Variants in ELN observed in about 807,000 individuals in gnomAD.
ELN encodes the protein elastin.
Under a neutral mutation model 105.8 loss-of-function variants are expected in ELN, and 65 were observed. The ratio of observed to expected loss-of-function variants is 0.61; its 90% CI spans 0.50 to 0.75. ELN has a LOEUF of 0.75. Among genes scored for constraint, ELN ranks in the 30% least tolerant of loss-of-function variants. ELN has a pLI of 0.00. For missense variants in ELN, 882 were observed against 969.4 expected (o/e 0.91, Z 1.20); for synonymous variants, 368 against 389.2 (o/e 0.95, Z 0.64).
At chr7:74,035,737 G>C (rs1481569263) in intron 2 of ELN, 2 of 414,352 alleles carry the variant, frequency 4.8e-6, no homozygotes, top group Admixed American at 3.7e-5. Context: ...TTTAAAATTA[G>C]CCATGTTCTG....
rs1407325654 is a variant in ELN, at chr7:74,063,481, T to C, written c.1918+112T>C. ...CAGAGTCCCTGCCCCAGACACCTCC[T>C]GGCTCCACTGTGCCATCGAAGGCCA... On this transcript the variant is annotated intron_variant, in intron 28 of 32. Transcript: ENST00000252034. This position sits in a 1 kb window ranked among gnomAD's most constrained non-coding sequence, Gnocchi z 4.1. 3.7e-6 allele frequency: 6 copies of C among 1,602,550 alleles called. No individual in the cohort carries two copies. In the Admixed American group the frequency reaches 5.1e-5, roughly 14 times the overall value.
chr7:74,051,278 T>A (rs1793965519), intron 15 of ELN, among the ~76,000 whole-genome samples: 1 of 152,076 alleles, frequency 6.6e-6, no homozygotes, highest in Non-Finnish European at 1.5e-5. Flanking sequence ...CAGGCCCCCC[T>A]CCCAGCACCC....
chr7:74,051,338 G>C (rs1225277497), intron 15 of ELN, among the ~76,000 whole-genome samples: 1 of 152,198 alleles, frequency 6.6e-6, no homozygotes, highest in Admixed American at 6.5e-5. Context: ...ATGTGGGAGC[G>C]GGAGAGCAGG....
Position 74,052,886 on chromosome 7 carries a change from A to G in ELN, c.950-277A>G, listed in dbSNP as rs181975443. Reference sequence around the variant, plus strand: ...GAAAGAAAGAAAGAGAGAGAGAGAGAGAGAAAGAAAGAAAGAAAGAGAAAG... The same window carrying G: ...GAAAGAAAGAAAGAGAGAGAGAGAGGGAGAAAGAAAGAAAGAAAGAGAAAG... On this transcript the variant is annotated intron_variant, in intron 17 of 32. Transcript: ENST00000252034. The G allele has an allele frequency of 5.2e-4, 262 of 506,534 alleles. 1 individual carries two copies. The East Asian group carries it at 7.9e-3, about 15-fold the overall frequency. 31.4% of individuals were successfully genotyped at this position (506,534 alleles called of 1,614,324 possible).
chr7:74,067,263 A>G (rs1554689801), intron 32 of ELN, among the ~76,000 whole-genome samples: 1 of 147,564 alleles, frequency 6.8e-6, no homozygotes, highest in Admixed American at 6.6e-5. Flanking sequence ...TACTAAAAAT[A>G]CTATAGTCTT....
Position 74,045,212 on chromosome 7 carries a change from C to G in ELN, c.470-10C>G, listed in dbSNP as rs200663056. 989 of 1,613,912 alleles carry G rather than the reference C, an allele frequency of 6.1e-4. No homozygotes were observed. Among genetic ancestry groups the G allele is most frequent in the Admixed American group, 9.5e-4 (57 of 60,030 alleles). On this transcript the variant is annotated splice_polypyrimidine_tract_variant and intron_variant, in intron 9 of 32. Coordinates refer to ENST00000252034, the MANE Select transcript of ELN (RefSeq NM_000501.4). ...TGCCTTCCTACACTCACTGCTTTGT[C>G]CCCCGGCAGGAGCTCGGTTCCCCGG...
chr7:74,037,950 C>A, intron 4 of ELN: 1 of 638,588 alleles, frequency 1.6e-6, no homozygotes, highest in Non-Finnish European at 2.7e-6. Context: ...AGGCTGGAAG[C>A]AGCTCCATGT....
At position 74,036,602 on chromosome 7, in the gene ELN, A is replaced by G. The variant is rs782019721; in HGVS notation, c.163+18A>G. 3 of 1,613,936 alleles carry G rather than the reference A, an allele frequency of 1.9e-6. No individual in the cohort carries two copies. Among genetic ancestry groups the G allele is most frequent in the South Asian group, 2.2e-5 (2 of 91,076 alleles). Reference sequence around the variant, plus strand: ...AGGAGGAGGTGAGCTCAGAAACCACACTTGTTCATCACTGAAAGGGCCTGG... The same window carrying G: ...AGGAGGAGGTGAGCTCAGAAACCACGCTTGTTCATCACTGAAAGGGCCTGG... On this transcript the variant is annotated intron_variant, in intron 3 of 32. Coordinates refer to ENST00000252034, the MANE Select transcript of ELN (RefSeq NM_000501.4).
rs1554665899 is a variant in ELN, at chr7:74,036,587, G to A, written c.163+3G>A. On this transcript the variant is annotated splice_donor_region_variant and intron_variant, in intron 3 of 32. Coordinates refer to ENST00000252034, the MANE Select transcript of ELN (RefSeq NM_000501.4). ...TCTCGGAGCCCTTGGAGGAGGAGGTGAGCTCAGAAACCACACTTGTTCATC... is the reference window on the plus strand; with the variant it reads ...TCTCGGAGCCCTTGGAGGAGGAGGTAAGCTCAGAAACCACACTTGTTCATC... The A allele has an allele frequency of 6.2e-7, 1 of 1,614,064 alleles. No individual in the cohort carries two copies. Among genetic ancestry groups the A allele is most frequent in the Non-Finnish European group, 8.5e-7 (1 of 1,180,010 alleles).
rs1554665917 is a variant in ELN, at chr7:74,036,601, C to T, written c.163+17C>T. ...GAGGAGGAGGTGAGCTCAGAAACCA[C>T]ACTTGTTCATCACTGAAAGGGCCTG... On this transcript the variant is annotated intron_variant, in intron 3 of 32. Transcript: ENST00000252034. 3 of 1,614,136 alleles carry T rather than the reference C, an allele frequency of 1.9e-6. No individual in the cohort carries two copies. Among genetic ancestry groups the T allele is most frequent in the East Asian group, 4.5e-5 (2 of 44,864 alleles).
Position 74,061,284 on chromosome 7 carries a change from A to T in ELN, c.1786+145A>T, listed in dbSNP as rs1252054868. 7.3e-6 allele frequency: 7 copies of T among 965,454 alleles called. No individual in the cohort carries two copies. The Admixed American group carries it at 1.4e-4, about 19-fold the overall frequency. 59.8% of individuals were successfully genotyped at this position (965,454 alleles called of 1,614,324 possible). ...GTAATCCCAGCACTTTGGGAGGCCGAGGCAGGCAGATCACCTGAGGTCAGG... is the reference window on the plus strand; with the variant it reads ...GTAATCCCAGCACTTTGGGAGGCCGTGGCAGGCAGATCACCTGAGGTCAGG... On this transcript the variant is annotated intron_variant, in intron 26 of 32. Transcript: ENST00000252034.
chr7:74,057,623 TC>T lies in ELN; in HGVS notation c.1358-16del, dbSNP rs568734909. On this transcript the variant is annotated splice_polypyrimidine_tract_variant and intron_variant, in intron 21 of 32. Coordinates refer to ENST00000252034, the MANE Select transcript of ELN (RefSeq NM_000501.4). ...TGTGAGAGATTACTCTCTCACCCCTTCTCTTCACACCTCCAGGAGTGGGGAC... is the reference window on the plus strand; with the variant it reads ...TGTGAGAGATTACTCTCTCACCCCTTTCTTCACACCTCCAGGAGTGGGGAC... 5.3e-5 allele frequency: 86 copies of T among 1,614,022 alleles called. 1 individual carries two copies. The South Asian group carries it at 8.7e-4, about 16-fold the overall frequency.
intron 1 of ELN, among the ~76,000 whole-genome samples, chr7:74,032,973 C>A (rs1284225249): frequency 6.6e-6 from 1 of 152,208 alleles, no homozygotes; most frequent in Non-Finnish European, 1.5e-5. Context: ...AACGTAAGTG[C>A]CACTGTCTTT....
chr7:74,050,016 T>C (rs1408700458), intron 15 of ELN, among the ~76,000 whole-genome samples: 1 of 150,570 alleles, frequency 6.6e-6, no homozygotes, highest in African/African-American at 2.4e-5. Flanking sequence ...CATTCCTCCA[T>C]GCACCCACCC....
chr7:74,030,329 A>G lies in ELN; in HGVS notation c.82+2060A>G, dbSNP rs557476502. On this transcript the variant is annotated intron_variant, in intron 1 of 32. Coordinates refer to ENST00000252034, the MANE Select transcript of ELN (RefSeq NM_000501.4). ...CACTTATGCAAGTTCAGCGGCTCCA[A>G]GGAAGGAACCCTGTTGCGGGGGTGG... Among the ~76,000 whole-genome samples, 5 of 152,274 alleles carry G rather than the reference A, an allele frequency of 3.3e-5. No homozygotes were observed. The East Asian group carries it at 9.7e-4, about 29-fold the overall frequency.
At chr7:74,039,587 G>A (rs1054148785) in intron 4 of ELN, among the ~76,000 whole-genome samples, 1 of 152,240 alleles carries the variant, frequency 6.6e-6, no homozygotes. Context: ...GTCCAAGCTG[G>A]CCCTGCCCTG....
chr7:74,032,303 C>G (rs1385940369), intron 1 of ELN, among the ~76,000 whole-genome samples: 1 of 152,162 alleles, frequency 6.6e-6, no homozygotes, highest in Non-Finnish European at 1.5e-5. Context: ...GCCGTGGGCT[C>G]GGGAAAGGCA....
intron 1 of ELN, among the ~76,000 whole-genome samples, chr7:74,031,169 C>T (rs1270872796): frequency 2.0e-5 from 3 of 152,192 alleles, no homozygotes; most frequent in Non-Finnish European, 4.4e-5. Flanking sequence ...AGGCAAATGG[C>T]CCTACATGTG....
intron 17 of ELN, 188 bp downstream of exon 17, chr7:74,052,171 C>T (rs782695779): frequency 3.8e-5 from 26 of 689,022 alleles, no homozygotes; most frequent in Non-Finnish European, 5.8e-5. Flanking sequence ...CCCTGATTAA[C>T]TCAGCAGAGG....
Sources: allele counts gnomAD v4.1 joint callset (sites outside exome capture counted in the v4.1 genomes callset), GRCh38; gene constraint gnomAD v4.1.1; non-coding constraint Gnocchi (gnomAD v3.1); transcripts MANE v1.5; gene names NCBI Gene and HGNC (gene_info 2026-07-23, HGNC 2026-07-21).